FCHSD1: variants seen among roughly 807,000 people sequenced by gnomAD.
FCHSD1 encodes FCH and double SH3 domains 1.
A neutral mutation model predicts 101.3 loss-of-function variants in FCHSD1; 109 were observed. The observed-to-expected ratio is 1.08, with a 90% confidence interval of 0.92 to 1.26. FCHSD1 has a LOEUF of 1.26. Among genes scored for constraint, FCHSD1 ranks in the 50% most tolerant of loss-of-function variants. The probability of loss-of-function intolerance (pLI) is 0.00; values close to 1 mark genes in which losing one functional copy is unlikely to be tolerated. For missense variants in FCHSD1, 820 were observed against 895.8 expected (o/e 0.92, Z 1.08); for synonymous variants, 291 against 356.8 (o/e 0.82, Z 2.08).
intron 14 of FCHSD1, 21 bp from the exon 15 acceptor site, chr5:141,644,963 T>G (rs766393615): frequency 6.2e-7 from 1 of 1,613,840 alleles, no homozygotes; most frequent in African/African-American, 1.3e-5. Context: ...CACGAAGGAT[T>G]CAGGACTTGG....
At chr5:141,644,169 G>C (rs2099907358) in intron 17 of FCHSD1, 49 bp downstream of exon 17, 4 of 1,515,854 alleles carry the variant, frequency 2.6e-6, no homozygotes, top group Non-Finnish European at 3.6e-6. Context: ...TGGGGTGGGA[G>C]GGTCAACCCA....
In FCHSD1 at chr5:141,647,383, G is replaced by A; in HGVS notation, c.828+15C>T. The A allele has an allele frequency of 6.3e-7, 1 of 1,586,374 alleles. No individual in the cohort carries two copies. The highest frequency in any genetic ancestry group is 1.8e-5 in the Admixed American group (1 of 55,246). ...AAGGATCCCCGGGGAAGCTCTTAGA[G>A]GCCACAGCCCTCACCTGGGAGGTTG... On this transcript the variant is annotated intron_variant, in intron 9 of 19. Coordinates refer to ENST00000435817, the MANE Select transcript of FCHSD1 (RefSeq NM_033449.3).
Position 141,644,318 on chromosome 5 carries a change from C to T in FCHSD1, c.1763G>A (p.Trp588Ter), listed in dbSNP as rs2099907385. Reference sequence around the variant, plus strand: ...AACACGGCCCCCAAATTCTCCCCTCCAGAAGCCGTCATCTACTCCATCTTG... The same window carrying T: ...AACACGGCCCCCAAATTCTCCCCTCTAGAAGCCGTCATCTACTCCATCTTG... ...RAQDGVDDGFWRGEFGGRVGV... is the reference protein window; with the variant it reads ...RAQDGVDDGF Residue 588 changes from tryptophan to a stop codon, truncating the protein, a stop_gained, in exon 17 of 20, where the codon TGG (tryptophan) becomes TAG (stop). Transcript: ENST00000435817. LOFTEE classifies it high-confidence loss of function. 2 of 1,613,940 alleles carry T rather than the reference C, an allele frequency of 1.2e-6. No homozygotes were observed. The highest frequency in any genetic ancestry group is 1.7e-6 in the Non-Finnish European group (2 of 1,179,862).
rs1254585485 is a variant in FCHSD1 at position 141,647,225 on chromosome 5, GC to G, written c.833del (p.Ser278ThrfsTer6). On this transcript the variant is annotated frameshift_variant, in exon 10 of 20. Transcript: ENST00000435817. LOFTEE classifies it high-confidence loss of function. ...HRGEQTTSQVSWEQDLKLFLQ... is the reference protein window; with the variant it reads ...HRGEQTTSQVXWEQDLKLFLQ... ...GAAACAGCTTCAGGTCTTGCTCCCA[GC>G]TTACCTAGGGGTTGGGAAAAGTCAA... 9 of 1,603,912 alleles carry G rather than the reference GC, an allele frequency of 5.6e-6. No homozygotes were observed. The highest frequency in any genetic ancestry group is 7.7e-6 in the Non-Finnish European group (9 of 1,175,200).
Position 141,640,411 on chromosome 5 carries a change from G to A in FCHSD1, c.*1087C>T, listed in dbSNP as rs2099906715. On this transcript the variant is annotated 3_prime_UTR_variant, in exon 20 of 20. Transcript: ENST00000435817. ...TTGTTGACCCCTCCCCTTTCTCTCA[G>A]GTGTCTCTACCACAGGGAGCAGGGA... The A allele has an allele frequency of 6.2e-7, 1 of 1,614,048 alleles. No homozygotes were observed. Among genetic ancestry groups the A allele is most frequent in the African/African-American group, 1.3e-5 (1 of 74,918 alleles).
At chr5:141,646,003 T>A in intron 12 of FCHSD1, 71 bp from the exon 13 acceptor site, 1 of 1,540,018 alleles carries the variant, frequency 6.5e-7, no homozygotes, top group South Asian at 1.2e-5. Flanking sequence ...TCTCCCTTCC[T>A]TCCTCCCACC....
In FCHSD1 at chr5:141,650,395, G is replaced by T. The variant is rs201604452; in HGVS notation, c.129C>A (p.Ser43Arg). Reference protein sequence around the residue: ...ADLLEDIRSYSKQRAAIEREY... With the variant: ...ADLLEDIRSYRKQRAAIEREY... ...CCCGTTCAATGGCTGCCCTCTGCTT[G>T]CTGTAGGATCTGCGGAGATTGCAGG... is the stretch of plus-strand genomic sequence containing the variant. Residue 43 changes from serine to arginine, a missense_variant, in exon 3 of 20, where the codon AGC becomes AGA. Physicochemically the swap from Ser to Arg is moderately radical, Grantham distance 110. Transcript: ENST00000435817. The T allele has an allele frequency of 6.2e-7, 1 of 1,613,946 alleles. No individual in the cohort carries two copies. Among genetic ancestry groups the T allele is most frequent in the East Asian group, 2.2e-5 (1 of 44,866 alleles).
At chr5:141,645,246 C>T (rs2099907506) in intron 13 of FCHSD1, 98 bp from the exon 14 acceptor site, 2 of 1,488,288 alleles carry the variant, frequency 1.3e-6, no homozygotes, top group South Asian at 1.4e-5. Flanking sequence ...ACCATGGATC[C>T]TCCAAGGCAG....
At chr5:141,646,516 C>A in intron 11 of FCHSD1, 87 bp downstream of exon 11, 1 of 1,507,496 alleles carries the variant, frequency 6.6e-7, no homozygotes, top group African/African-American at 1.4e-5. Flanking sequence ...AGCTCCATGA[C>A]ACCCTCAATG....
chr5:141,643,020 A>AG lies in FCHSD1; in HGVS notation c.1931dup (p.Ala645CysfsTer35). The AG allele has an allele frequency of 1.3e-6, 2 of 1,565,592 alleles. No individual in the cohort carries two copies. Among genetic ancestry groups the AG allele is most frequent in the East Asian group, 2.4e-5 (1 of 41,470 alleles). On this transcript the variant is annotated frameshift_variant, in exon 18 of 20. Transcript: ENST00000435817. LOFTEE classifies it high-confidence loss of function. Reference sequence around the variant, plus strand: ...ACTCACCCCCAGGCAGGACAGGTGCAGGGGGCCCATCCAACACAGAGGTAG... The same window carrying AG: ...ACTCACCCCCAGGCAGGACAGGTGCAGGGGGGCCCATCCAACACAGAGGTAG...
At chr5:141,642,626 AG>A (rs2099907076) in intron 18 of FCHSD1, 1 of 545,282 alleles carries the variant, frequency 1.8e-6, no homozygotes, top group Non-Finnish European at 3.2e-6. Flanking sequence ...GCATATTGGG[AG>A]GACACCGTGA....
rs1361935255 is a variant in FCHSD1 at position 141,649,448 on chromosome 5, G to A, written c.322C>T (p.Arg108Cys). Reference protein sequence around the residue: ...QTRLQASDRYRDLAGGTGRSA... With the variant: ...QTRLQASDRYCDLAGGTGRSA... ...CGCCCTGTACCCCCTGCTAGGTCAC[G>A]GTATCGGTCAGACGCCTGGAGTCGG... The change falls in exon 5 of 20, where the codon CGT becomes TGT. Residue 108 changes from arginine (R) to cysteine (C), a missense_variant. Arg to Cys is a radical substitution (Grantham distance 180). Coordinates refer to ENST00000435817, the MANE Select transcript of FCHSD1 (RefSeq NM_033449.3). The surrounding 1 kb of genome is among the most constrained non-coding windows in gnomAD (Gnocchi z 4.1). The A allele has an allele frequency of 3.2e-5, 52 of 1,613,862 alleles. No individual in the cohort carries two copies. Among genetic ancestry groups the A allele is most frequent in the African/African-American group, 4.0e-5 (3 of 74,914 alleles).
chr5:141,642,969 G>C, intron 18 of FCHSD1, 32 bp downstream of exon 18: 5 of 1,544,562 alleles, frequency 3.2e-6, no homozygotes, highest in Non-Finnish European at 4.4e-6. Context: ...CTGTCTGTTA[G>C]CCTCCCAAGG....
Position 141,640,313 on chromosome 5 carries a change from G to T in FCHSD1, c.*1185C>A, listed in dbSNP as rs199786252. On this transcript the variant is annotated 3_prime_UTR_variant, in exon 20 of 20. Transcript: ENST00000435817. ...ATCACCAGGTAGGAAAACACAGCCG[G>T]GACTGCACTGGGCTGGGCTCTTATT... 9.3e-6 allele frequency: 15 copies of T among 1,613,832 alleles called. No individual in the cohort carries two copies. In the South Asian group the frequency reaches 1.6e-4, roughly 18 times the overall value.
At chr5:141,648,237 T>C (rs2099907910) in intron 7 of FCHSD1, 141 bp from the exon 8 acceptor site, 1 of 1,021,848 alleles carries the variant, frequency 9.8e-7, no homozygotes, top group Admixed American at 3.1e-5. Context: ...AAATGTTGCA[T>C]ACACACAACT....
chr5:141,646,430 C>T (rs1366044777), intron 11 of FCHSD1, 173 bp downstream of exon 11: 39 of 1,104,622 alleles, frequency 3.5e-5, no homozygotes, highest in Middle Eastern at 5.9e-4. Flanking sequence ...GAACCTATGT[C>T]GGTCTAGCTC....
At position 141,650,422 on chromosome 5, in the gene FCHSD1, C is replaced by A. The variant is rs561128514; in HGVS notation, c.120-18G>T. ...TGTAGGATCTGCGGAGATTGCAGGTCGGGGGTGAGGTGGGGGATAAGGTTA... is the reference window on the plus strand; with the variant it reads ...TGTAGGATCTGCGGAGATTGCAGGTAGGGGGTGAGGTGGGGGATAAGGTTA... On this transcript the variant is annotated intron_variant, in intron 2 of 19. Coordinates refer to ENST00000435817, the MANE Select transcript of FCHSD1 (RefSeq NM_033449.3). The A allele has an allele frequency of 7.7e-5, 124 of 1,613,712 alleles. No individual in the cohort carries two copies. In the South Asian group the frequency reaches 1.2e-3, roughly 15 times the overall value.
chr5:141,650,617 G>A (rs566230003), intron 2 of FCHSD1, among the ~76,000 whole-genome samples: 2 of 151,964 alleles, frequency 1.3e-5, no homozygotes, highest in African/African-American at 2.4e-5. Flanking sequence ...TTACTGCCCC[G>A]GGCCCCAGCA....
chr5:141,640,412 G>C lies in FCHSD1; in HGVS notation c.*1086C>G, dbSNP rs776910084. Reference sequence around the variant, plus strand: ...TGTTGACCCCTCCCCTTTCTCTCAGGTGTCTCTACCACAGGGAGCAGGGAG... The same window carrying C: ...TGTTGACCCCTCCCCTTTCTCTCAGCTGTCTCTACCACAGGGAGCAGGGAG... On this transcript the variant is annotated 3_prime_UTR_variant, in exon 20 of 20. Transcript: ENST00000435817. The C allele has an allele frequency of 1.2e-6, 2 of 1,614,146 alleles. No homozygotes were observed. Among genetic ancestry groups the C allele is most frequent in the Non-Finnish European group, 1.7e-6 (2 of 1,180,010 alleles).
Sources: allele counts gnomAD v4.1 joint callset (sites outside exome capture counted in the v4.1 genomes callset), GRCh38; gene constraint gnomAD v4.1.1; non-coding constraint Gnocchi (gnomAD v3.1); transcripts MANE v1.5; gene names NCBI Gene and HGNC (gene_info 2026-07-23, HGNC 2026-07-21).